COMMD6: variants seen among roughly 807,000 people sequenced by gnomAD.
COMMD6 encodes COMM domain-containing protein 6.
COMMD6 carries 11 observed loss-of-function variants against 13.4 expected under a neutral mutation model. The observed-to-expected ratio is 0.82, with a 90% confidence interval of 0.52 to 1.36. The LOEUF is 1.36. Among genes scored for constraint, COMMD6 ranks in the 40% most tolerant of loss-of-function variants. COMMD6 has a pLI of 0.00. For synonymous variants in COMMD6, 43 were observed against 36.5 expected, an observed-to-expected ratio of 1.18 and a Z score of -0.64; for missense variants, 124 against 102.4, an observed-to-expected ratio of 1.21 and a Z score of -0.91.
chr13:75,537,371 C>T (rs1312827749), intron 2 of COMMD6: 5 of 1,550,780 alleles, frequency 3.2e-6, no homozygotes, highest in African/African-American at 1.4e-5. Context: ...TTATCCAACA[C>T]TTTAAAATAC....
At chr13:75,530,412 G>C (rs918094148) in intron 2 of COMMD6, 146 bp from the exon 3 acceptor site, 13 of 538,946 alleles carry the variant, frequency 2.4e-5, no homozygotes, top group Non-Finnish European at 3.8e-5. Context: ...AATACTGCTA[G>C]AGGAACAATA....
At chr13:75,544,932 A>AAAAAAC (rs1285143980) in intron 1 of COMMD6, among the ~76,000 whole-genome samples, 4 of 151,002 alleles carry the variant, frequency 2.6e-5, no homozygotes, top group Non-Finnish European at 4.4e-5. Flanking sequence ...TCTCCAAAAA[A>AAAAAAC]AAAAAAAAAA....
At chr13:75,529,180 T>A (rs1416948525) in intron 3 of COMMD6, among the ~76,000 whole-genome samples, 1 of 152,108 alleles carries the variant, frequency 6.6e-6, no homozygotes, top group African/African-American at 2.4e-5. Flanking sequence ...AACAAAACTG[T>A]ACAGGACAGT....
intron 2 of COMMD6, among the ~76,000 whole-genome samples, chr13:75,536,735 T>G (rs1356913898): frequency 1.3e-5 from 2 of 152,222 alleles, no homozygotes; most frequent in Non-Finnish European, 2.9e-5. Context: ...TTAGGACTTC[T>G]GACCTCCAGA....
intron 1 of COMMD6, among the ~76,000 whole-genome samples, chr13:75,549,128 T>A (rs943319222): frequency 3.3e-5 from 5 of 152,254 alleles, no homozygotes; most frequent in South Asian, 2.1e-4. Flanking sequence ...CTTTTTATCC[T>A]GATTCTCCGT....
At chr13:75,537,273 G>T in intron 2 of COMMD6, 1 of 1,496,288 alleles carries the variant, frequency 6.7e-7, no homozygotes, top group Non-Finnish European at 9.0e-7. Context: ...TACTCTAAAA[G>T]GCTAAAATGC....
At chr13:75,537,998 A>T, upstream of COMMD6, 2 of 481,934 alleles carry the variant, frequency 4.1e-6, no homozygotes, top group Non-Finnish European at 7.2e-6. Context: ...GCTAAAAGAA[A>T]ATTATTTTAT....
At chr13:75,538,093 A>G (rs2030747851), upstream of COMMD6, among the ~76,000 whole-genome samples, 1 of 152,226 alleles carries the variant, frequency 6.6e-6, no homozygotes. Context: ...TCTAACAGTG[A>G]CACGTGGGCT....
At chr13:75,533,374 C>A (rs554078014) in intron 2 of COMMD6, among the ~76,000 whole-genome samples, 12 of 152,132 alleles carry the variant, frequency 7.9e-5, no homozygotes, top group African/African-American at 2.6e-4. Flanking sequence ...CCAGACCAGC[C>A]TGGGCAACAG....
chr13:75,526,927 A>G lies in COMMD6; in HGVS notation c.208-288T>C, dbSNP rs1169715803. On this transcript the variant is annotated intron_variant, in intron 3 of 3. Transcript: ENST00000682242. ...TTTATTAAATACTCAGCACTGTCCT[A>G]GACACTGAAAATAAAAGCAAAAATA... 3.9e-5 allele frequency among the ~76,000 whole-genome samples: 6 copies of G among 152,190 alleles called. No individual in the cohort carries two copies. In the East Asian group the frequency reaches 1.2e-3, roughly 29 times the overall value.
At chr13:75,545,628 C>T (rs1210848167) in intron 1 of COMMD6, among the ~76,000 whole-genome samples, 2 of 152,154 alleles carry the variant, frequency 1.3e-5, no homozygotes, top group Admixed American at 6.5e-5. Context: ...CCCGCCACCA[C>T]GCCTGGTTAA....
chr13:75,544,987 C>T (rs1159216966), intron 1 of COMMD6, among the ~76,000 whole-genome samples: 3 of 147,632 alleles, frequency 2.0e-5, no homozygotes, highest in Middle Eastern at 3.6e-3. Context: ...TTTAGAGAAA[C>T]ACAGCTAGAT....
chr13:75,534,709 GAATATA>G (rs1374513351), intron 2 of COMMD6, among the ~76,000 whole-genome samples: 3 of 152,072 alleles, frequency 2.0e-5, no homozygotes, highest in African/African-American at 7.2e-5. Flanking sequence ...GAAGTAAAAT[GAATATA>G]AAGAATAATC....
At chr13:75,537,708 A>G (rs1437239685) in intron 1 of COMMD6, 33 bp from the exon 2 acceptor site, 1 of 1,613,918 alleles carries the variant, frequency 6.2e-7, no homozygotes, top group Non-Finnish European at 8.5e-7. Context: ...ATTTAGAGAA[A>G]CATCTTTCTT....
chr13:75,528,353 G>A (rs1021258279), intron 3 of COMMD6, among the ~76,000 whole-genome samples: 5 of 151,988 alleles, frequency 3.3e-5, no homozygotes, highest in East Asian at 3.8e-4. Context: ...ATTCTCTTTC[G>A]AAATTGACTG....
In COMMD6 at chr13:75,528,126, A is replaced by G. The variant is rs1189352598; in HGVS notation, c.208-1487T>C. On this transcript the variant is annotated intron_variant, in intron 3 of 3. Coordinates refer to ENST00000682242, the MANE Select transcript of COMMD6 (RefSeq NM_203495.4). ...GACTGTGGTAATCTTTACACAATGTATATCTTTTATCATATCATCACATTG... is the reference window on the plus strand; with the variant it reads ...GACTGTGGTAATCTTTACACAATGTGTATCTTTTATCATATCATCACATTG... Among the ~76,000 whole-genome samples, 6 of 151,962 alleles carry G rather than the reference A, an allele frequency of 3.9e-5. No homozygotes were observed. The East Asian group carries it at 9.6e-4, about 24-fold the overall frequency.
intron 2 of COMMD6, among the ~76,000 whole-genome samples, chr13:75,531,517 A>ATAAG (rs10641324): frequency 0.77 from 116,863 of 151,674 alleles, 45,294 homozygotes; most frequent in African/African-American, 0.85. Flanking sequence ...AACATCTTTT[A>ATAAG]TAAGAAGATT....
chr13:75,537,087 G>A (rs1203347380), intron 2 of COMMD6, among the ~76,000 whole-genome samples: 1 of 152,028 alleles, frequency 6.6e-6, no homozygotes, highest in African/African-American at 2.4e-5. Flanking sequence ...TATGGACTTG[G>A]GTAACTCCTG....
At chr13:75,529,263 G>A (rs931767203) in intron 3 of COMMD6, among the ~76,000 whole-genome samples, 1 of 152,196 alleles carries the variant, frequency 6.6e-6, no homozygotes, top group African/African-American at 2.4e-5. Flanking sequence ...GCTCACGCCT[G>A]TAATCCTGGC....
Sources: gnomAD v4.1 joint callset for allele counts (sites outside exome capture counted in the v4.1 genomes callset) on GRCh38, gnomAD v4.1.1 for gene constraint, MANE v1.5 for transcripts, NCBI Gene and HGNC (gene_info 2026-07-23, HGNC 2026-07-21) for gene names.